MGAM: variants seen among roughly 807,000 people sequenced by gnomAD.
The protein encoded by MGAM is maltase-glucoamylase, also known as alpha-1,4-glucosidase.
A neutral mutation model predicts 358.8 loss-of-function variants in MGAM; 253 were observed. The ratio of observed to expected loss-of-function variants is 0.71; its 90% CI spans 0.64 to 0.78. MGAM has a LOEUF of 0.78. MGAM is among the 30% of genes least tolerant of loss of function. The pLI, the probability that MGAM is intolerant of heterozygous loss-of-function variation, is 0.00. For synonymous variants in MGAM, 1,105 were observed against 1,227.1 expected (o/e 0.90, Z 2.08); for missense variants, 3,080 against 3,432.6 (o/e 0.90, Z 2.57).
chr7:142,035,803 A>G (rs1442264276), intron 16 of MGAM, among the ~76,000 whole-genome samples: 2 of 152,168 alleles, frequency 1.3e-5, no homozygotes, highest in Non-Finnish European at 2.9e-5. Flanking sequence ...TAGGCTTTAG[A>G]AAAATAATGC....
intron 21 of MGAM, among the ~76,000 whole-genome samples, chr7:142,045,143 TA>T (rs1414179116): frequency 3.9e-5 from 3 of 76,608 alleles, no homozygotes; most frequent in African/African-American, 8.0e-5. Flanking sequence ...GTATATTATA[TA>T]TCATATATGT....
chr7:142,075,850 C>A (rs999470693), intron 45 of MGAM, among the ~76,000 whole-genome samples: 1 of 145,806 alleles, frequency 6.9e-6, no homozygotes, highest in African/African-American at 2.4e-5. Context: ...TAAATTGTTA[C>A]AACCATTATG....
Position 142,009,638 on chromosome 7 carries a change from T to C in MGAM, c.327+933T>C, listed in dbSNP as rs565625192. On this transcript the variant is annotated intron_variant, in intron 3 of 70. Coordinates refer to ENST00000475668, the MANE Select transcript of MGAM (RefSeq NM_001365693.1). ...AAATACTGTGGTATCAAGATTGAAGTTCAATAAATGAACTTTGGCTTTTCT... is the reference window on the plus strand; with the variant it reads ...AAATACTGTGGTATCAAGATTGAAGCTCAATAAATGAACTTTGGCTTTTCT... Among the ~76,000 whole-genome samples, 15 of 152,318 alleles carry C rather than the reference T, an allele frequency of 9.8e-5. No homozygotes were observed. The South Asian group carries it at 2.9e-3, about 29-fold the overall frequency.
chr7:142,103,194 T>C, intron 69 of MGAM, 75 bp from the exon 70 acceptor site: 1 of 1,227,290 alleles, frequency 8.1e-7, no homozygotes, highest in Non-Finnish European at 1.1e-6. Context: ...TGACCTACAT[T>C]TGTGCCTAAA....
At position 142,099,637 on chromosome 7, in the gene MGAM, G is replaced by T. The variant is rs1268266008; in HGVS notation, c.7774G>T (p.Glu2592Ter). The change falls in exon 67 of 71, where the codon GAG (glutamate) becomes TAG (stop). Residue 2592 changes from glutamate to a stop codon, truncating the protein, a stop_gained. Coordinates refer to ENST00000475668, the MANE Select transcript of MGAM (RefSeq NM_001365693.1). LOFTEE classifies it high-confidence loss of function. ...YTGVDINARG[E>*]WKTLPAPLDH... ...GGGTGTGGATATTAATGCAAGAGGA[G>T]AGTGGAAGACCTTGCCAGCCCCTCT... 3 of 1,613,814 alleles carry T rather than the reference G, an allele frequency of 1.9e-6. No individual in the cohort carries two copies. In the African/African-American group the frequency reaches 4.0e-5, roughly 22 times the overall value.
intron 29 of MGAM, 126 bp downstream of exon 29, chr7:142,056,222 T>G: frequency 1.2e-6 from 1 of 837,142 alleles, no homozygotes; most frequent in Non-Finnish European, 1.8e-6. Flanking sequence ...GCTGTTTATT[T>G]TTTCTTTGTG....
rs1182014308 is a variant in MGAM, at chr7:142,042,086, AACATATAATATAT to A, written c.2498+1255_2498+1267del. The stretch of plus-strand genomic sequence containing the variant: ...ATATAATATATAACATACAATATAT[AACATATAATATAT>A]ACATATAATATATAATATATAATAT... On this transcript the variant is annotated intron_variant, in intron 21 of 70. Coordinates refer to ENST00000475668, the MANE Select transcript of MGAM (RefSeq NM_001365693.1). 7.9e-4 allele frequency among the ~76,000 whole-genome samples: 61 copies of A among 76,854 alleles called. 1 individual carries two copies. The highest frequency in any genetic ancestry group is 1.1e-3 in the Non-Finnish European group (50 of 43,530). 50.4% of individuals were successfully genotyped at this position (76,854 alleles called of 152,430 possible).
chr7:142,023,590 A>G (rs1375052640), intron 7 of MGAM, among the ~76,000 whole-genome samples: 1 of 152,138 alleles, frequency 6.6e-6, no homozygotes, highest in Admixed American at 6.6e-5. Flanking sequence ...TAAGAACAAG[A>G]ATGGCCTGAA....
upstream of MGAM, among the ~76,000 whole-genome samples, chr7:141,992,609 C>T (rs1803996020): frequency 6.6e-6 from 1 of 152,062 alleles, no homozygotes; most frequent in African/African-American, 2.4e-5. Context: ...TTGAGGCAGG[C>T]TCTCACTCTG....
intron 26 of MGAM, among the ~76,000 whole-genome samples, chr7:142,054,147 C>G (rs1811271374): frequency 6.6e-6 from 1 of 152,214 alleles, no homozygotes; most frequent in African/African-American, 2.4e-5. Flanking sequence ...GCATTTCCTT[C>G]CCTAGAATCT....
Position 142,075,522 on chromosome 7 carries a change from G to A in MGAM, c.5276-681G>A, listed in dbSNP as rs1180880256. Among the ~76,000 whole-genome samples, 3 of 146,396 alleles carry A rather than the reference G, an allele frequency of 2.0e-5. 1 individual carries two copies. The highest frequency in any genetic ancestry group is 4.6e-5 in the Non-Finnish European group (3 of 64,636). On this transcript the variant is annotated intron_variant, in intron 45 of 70. Coordinates refer to ENST00000475668, the MANE Select transcript of MGAM (RefSeq NM_001365693.1). ...GGCAAACTACAGAATGGATAAAAAT[G>A]TTTGCAAACCATATATCTCAGAAGA...
In MGAM at chr7:142,103,580, G is replaced by T. The variant is rs575700710; in HGVS notation, c.8184+141G>T. 73 of 718,314 alleles carry T rather than the reference G, an allele frequency of 1.0e-4. No individual in the cohort carries two copies. In the African/African-American group the frequency reaches 1.1e-3, roughly 11 times the overall value. The allele number at this position is 718,314 out of a possible 1,614,324, so 44.5% of individuals were successfully genotyped here. ...CTGAGTTTTCCATGTGTTAGGAATG[G>T]ACCACGTGGAGATGAATGAAAAATC... On this transcript the variant is annotated intron_variant, in intron 70 of 70. Coordinates refer to ENST00000475668, the MANE Select transcript of MGAM (RefSeq NM_001365693.1).
At chr7:142,026,403 G>A (rs982641790) in intron 8 of MGAM, among the ~76,000 whole-genome samples, 1 of 152,120 alleles carries the variant, frequency 6.6e-6, no homozygotes, top group Non-Finnish European at 1.5e-5. Flanking sequence ...CTGGCAAAAA[G>A]GTAGATTAGC....
At position 142,078,453 on chromosome 7, in the gene MGAM, C is replaced by G. The variant is rs777711744; in HGVS notation, c.5629C>G (p.Arg1877Gly). 9 of 1,544,252 alleles carry G rather than the reference C, an allele frequency of 5.8e-6. No individual in the cohort carries two copies. In the South Asian group the frequency reaches 8.0e-5, roughly 14 times the overall value. Residue 1877 changes from arginine (R) to glycine (G), a missense_variant, in exon 48 of 71, where the codon CGT (arginine) becomes GGT (glycine). This residue lies in a region of MGAM where 932 missense variants were observed against 1,198.2 expected (regional missense o/e 0.78). Transcript: ENST00000475668. Reference protein sequence around the residue: ...NGDSAENCTARGCIWEASNSS... With the variant: ...NGDSAENCTAGGCIWEASNSS... ...TGATTCTGCAGAAAACTGCACTGCC[C>G]GTGGCTGTATCTGGGAGGTAACCAT...
At position 142,099,717 on chromosome 7, in the gene MGAM, T is replaced by G. The variant is rs1816282166; in HGVS notation, c.7854T>G (p.Pro2618=). 6.2e-7 allele frequency: 1 copy of G among 1,613,888 alleles called. No individual in the cohort carries two copies. Among genetic ancestry groups the G allele is most frequent in the African/African-American group, 1.3e-5 (1 of 74,940 alleles). ...GCTACATCCTGCCCTGGCAAGAGCCTGCACTGAACACCCACTTAAGGTAAG... is the reference window on the plus strand; with the variant it reads ...GCTACATCCTGCCCTGGCAAGAGCCGGCACTGAACACCCACTTAAGGTAAG... ...RGGYILPWQE[P]ALNTHLSRQK... The change falls in exon 67 of 71, where the codon CCT becomes CCG. Residue 2618 remains proline (P), a synonymous_variant. Coordinates refer to ENST00000475668, the MANE Select transcript of MGAM (RefSeq NM_001365693.1).
rs371124440 is a variant in MGAM, at chr7:142,081,504, G to A, written c.6003-538G>A. Among the ~76,000 whole-genome samples, 17 of 145,856 alleles carry A rather than the reference G, an allele frequency of 1.2e-4. 2 individuals carry two copies. The South Asian group carries it at 2.4e-3, about 21-fold the overall frequency. ...AAGTGGGTAGGCCAGGAGATGAAGC[G>A]AAGCTGGCATGCTAAAGAAAAGAAG... On this transcript the variant is annotated intron_variant, in intron 50 of 70. Coordinates refer to ENST00000475668, the MANE Select transcript of MGAM (RefSeq NM_001365693.1).
rs797023487 is a variant in MGAM at position 142,002,643 on chromosome 7, G to A, written c.-2-2886G>A. Among the ~76,000 whole-genome samples, 8 of 152,042 alleles carry A rather than the reference G, an allele frequency of 5.3e-5. 1 individual carries two copies. The highest frequency in any genetic ancestry group is 1.4e-4 in the African/African-American group (6 of 41,518). Reference sequence around the variant, plus strand: ...TACTGAACAGGGAAAAGTTCAGTACGATTGAAAGCATTCCCCCTAAATGGA... The same window carrying A: ...TACTGAACAGGGAAAAGTTCAGTACAATTGAAAGCATTCCCCCTAAATGGA... On this transcript the variant is annotated intron_variant, in intron 1 of 70. Transcript: ENST00000475668.
chr7:142,029,176 C>A (rs4725565), intron 10 of MGAM, among the ~76,000 whole-genome samples: 60,794 of 151,818 alleles, frequency 0.4, 12,391 homozygotes, highest in East Asian at 0.59. Flanking sequence ...CAGTGAAACC[C>A]CGTCTCTACT....
chr7:142,091,507 G>A (rs1815384399), intron 57 of MGAM, among the ~76,000 whole-genome samples: 2 of 145,748 alleles, frequency 1.4e-5, no homozygotes, highest in Admixed American at 6.9e-5. Context: ...GACATAGGAG[G>A]GAGTCCCTGG....
Sources: gnomAD v4.1 joint callset for allele counts (sites outside exome capture counted in the v4.1 genomes callset) on GRCh38, gnomAD v4.1.1 for gene constraint, gnomAD v4.1.1 regional missense constraint, MANE v1.5 for transcripts, NCBI Gene and HGNC (gene_info 2026-07-23, HGNC 2026-07-21) for gene names.